SDK1: variants seen among roughly 807,000 people sequenced by gnomAD.
SDK1 encodes the protein sidekick cell adhesion molecule 1, also known as protein sidekick-1.
SDK1 carries 157 observed loss-of-function variants against 245.5 expected under a neutral mutation model. That is an observed-to-expected ratio of 0.64 (90% confidence interval 0.56 to 0.73). SDK1 has a LOEUF of 0.73. Ranked by LOEUF, SDK1 falls within the 30% of genes least tolerant of loss-of-function variation. SDK1 has a pLI of 0.00. For synonymous variants in SDK1, 1,647 were observed against 1,278.5 expected (o/e 1.29, Z -6.15); for missense variants, 3,583 against 3,002.3 (o/e 1.19, Z -4.52).
At chr7:4,159,141 A>G (rs1375390864) in intron 31 of SDK1, among the ~76,000 whole-genome samples, 1 of 152,172 alleles carries the variant, frequency 6.6e-6, no homozygotes, top group Non-Finnish European at 1.5e-5. Context: ...CAGGCTGGAA[A>G]CCCAGTACTT....
At chr7:3,393,590 C>T (rs1479907699) in intron 1 of SDK1, among the ~76,000 whole-genome samples, 1 of 152,164 alleles carries the variant, frequency 6.6e-6, no homozygotes, top group African/African-American at 2.4e-5. Flanking sequence ...CAGAATACTA[C>T]GTAGCAGTTA....
chr7:3,568,683 A>C (rs1780004712), intron 1 of SDK1, among the ~76,000 whole-genome samples: 1 of 152,200 alleles, frequency 6.6e-6, no homozygotes, highest in South Asian at 2.1e-4. Flanking sequence ...AGCCATTATA[A>C]TTTATGACTC....
intron 1 of SDK1, among the ~76,000 whole-genome samples, chr7:3,514,482 G>T (rs991120421): frequency 1.3e-5 from 2 of 152,206 alleles, no homozygotes; most frequent in Admixed American, 6.5e-5. Context: ...GAGGTAGATA[G>T]TCCAGGGTTG....
intron 4 of SDK1, among the ~76,000 whole-genome samples, chr7:3,783,286 T>C (rs546258964): frequency 6.6e-6 from 1 of 152,290 alleles, no homozygotes; most frequent in Non-Finnish European, 1.5e-5. Flanking sequence ...ATTGAAAGCC[T>C]TTCCTCTGAC....
Position 3,619,231 on chromosome 7 carries a change from C to CGAA in SDK1, c.451_453dup (p.Glu151dup). ...ACAGTGAGCTCACCACCTACAGCAG[C>CGAA]GAATATAAGTAATTGATCGCTTGAA... On this transcript the variant is annotated inframe_insertion, in exon 2 of 45. Coordinates refer to ENST00000404826, the MANE Select transcript of SDK1 (RefSeq NM_152744.4). 1 of 1,605,076 alleles carries CGAA rather than the reference C, an allele frequency of 6.2e-7. No individual in the cohort carries two copies. Among genetic ancestry groups the CGAA allele is most frequent in the Non-Finnish European group, 8.5e-7 (1 of 1,172,980 alleles).
At chr7:3,694,757 C>T (rs138099442) in intron 4 of SDK1, among the ~76,000 whole-genome samples, 29 of 152,210 alleles carry the variant, frequency 1.9e-4, no homozygotes, top group Non-Finnish European at 3.8e-4. Flanking sequence ...CAGGAACCTA[C>T]GTTTTTACAA....
intron 5 of SDK1, among the ~76,000 whole-genome samples, chr7:3,827,176 G>A (rs193136938): frequency 5.8e-4 from 87 of 149,286 alleles, no homozygotes; most frequent in Admixed American, 1.2e-3. Context: ...ACATATGGGG[G>A]AAGCTCAATA....
intron 20 of SDK1, 132 bp from the exon 21 acceptor site, chr7:4,076,866 G>T: frequency 1.4e-6 from 1 of 704,744 alleles, no homozygotes; most frequent in Non-Finnish European, 2.4e-6. Flanking sequence ...GTAGCACAGT[G>T]GCTCTAAGCT....
rs543285469 is a variant in SDK1 at position 3,363,933 on chromosome 7, T to G, written c.298+62049T>G. On this transcript the variant is annotated intron_variant, in intron 1 of 44. Coordinates refer to ENST00000404826, the MANE Select transcript of SDK1 (RefSeq NM_152744.4). Reference sequence around the variant, plus strand: ...CGTTGTCACCAGAAATGTGTGAATGTGATCCAGTTTCACATCCTCATCATT... The same window carrying G: ...CGTTGTCACCAGAAATGTGTGAATGGGATCCAGTTTCACATCCTCATCATT... 2.6e-5 allele frequency among the ~76,000 whole-genome samples: 4 copies of G among 152,368 alleles called. No individual in the cohort carries two copies. The East Asian group carries it at 7.7e-4, about 29-fold the overall frequency.
At chr7:3,932,380 G>A (rs983328065) in intron 5 of SDK1, among the ~76,000 whole-genome samples, 5 of 152,176 alleles carry the variant, frequency 3.3e-5, no homozygotes, top group Non-Finnish European at 5.9e-5. Flanking sequence ...AAATATAGAT[G>A]AGATTGTGTT....
intron 2 of SDK1, among the ~76,000 whole-genome samples, chr7:3,633,269 T>C (rs934242777): frequency 1.3e-5 from 2 of 152,018 alleles, no homozygotes; most frequent in African/African-American, 4.8e-5. Flanking sequence ...AAGAGAAAAA[T>C]CTTACATCTA....
chr7:3,584,230 G>C (rs1780609600), intron 1 of SDK1, among the ~76,000 whole-genome samples: 1 of 152,026 alleles, frequency 6.6e-6, no homozygotes, highest in Non-Finnish European at 1.5e-5. Flanking sequence ...CTGTAGGAGG[G>C]GATATGTTGT....
At position 4,113,265 on chromosome 7, in the gene SDK1, T is replaced by A. The variant is rs529592028; in HGVS notation, c.3435-24T>A. ...CTTCTTACCTTTGCTTTGCCGTGAC[T>A]CTCATCAGTGGTTTTTCCTTTAGAT... is the stretch of plus-strand genomic sequence containing the variant. On this transcript the variant is annotated intron_variant, in intron 23 of 44. Transcript: ENST00000404826. The A allele has an allele frequency of 1.7e-4, 273 of 1,606,932 alleles. 1 individual carries two copies. The highest frequency in any genetic ancestry group is 2.3e-4 in the Non-Finnish European group (270 of 1,175,990).
chr7:3,849,807 C>G (rs903570140), intron 5 of SDK1, among the ~76,000 whole-genome samples: 9 of 152,162 alleles, frequency 5.9e-5, no homozygotes, highest in African/African-American at 2.2e-4. Context: ...ATCTGTGTAA[C>G]TTAGGTCTTT....
rs977116549 is a variant in SDK1 at position 4,265,601 on chromosome 7, T to C, written c.*217T>C. ...CTTCGCTGCAGGAAGCAGGTTTGTT[T>C]CTTTTTCTTTTCTTTTTAAGAGAAG... is the stretch of plus-strand genomic sequence containing the variant. On this transcript the variant is annotated 3_prime_UTR_variant, in exon 45 of 45. Coordinates refer to ENST00000404826, the MANE Select transcript of SDK1 (RefSeq NM_152744.4). 2 of 1,339,320 alleles carry C rather than the reference T, an allele frequency of 1.5e-6. No homozygotes were observed. Among genetic ancestry groups the C allele is most frequent in the African/African-American group, 1.5e-5 (1 of 64,746 alleles). 83.0% of individuals were successfully genotyped at this position (1,339,320 alleles called of 1,614,324 possible).
chr7:3,680,946 G>T (rs1000754779), intron 4 of SDK1, among the ~76,000 whole-genome samples: 7 of 152,100 alleles, frequency 4.6e-5, no homozygotes, highest in Non-Finnish European at 7.4e-5. Context: ...GGGTTCAAGC[G>T]ATTCTCCTGC....
intron 14 of SDK1, 81 bp from the exon 15 acceptor site, chr7:4,010,885 T>C (rs972629229): frequency 1.2e-5 from 17 of 1,433,792 alleles, no homozygotes; most frequent in Non-Finnish European, 1.6e-5. Flanking sequence ...AGATGTTCCC[T>C]GAGAAAGCCT....
At chr7:4,079,674 G>C in intron 22 of SDK1, 90 bp downstream of exon 22, 2 of 1,549,604 alleles carry the variant, frequency 1.3e-6, no homozygotes, top group Non-Finnish European at 1.8e-6. Context: ...TGATGGCTTG[G>C]GGTGTCGGGG....
At chr7:3,867,879 G>A (rs1780860449) in intron 5 of SDK1, among the ~76,000 whole-genome samples, 1 of 152,048 alleles carries the variant, frequency 6.6e-6, no homozygotes, top group Non-Finnish European at 1.5e-5. Context: ...GATCTCTGCT[G>A]CATGAACATG....
Sources: allele counts gnomAD v4.1 joint callset (sites outside exome capture counted in the v4.1 genomes callset), GRCh38; gene constraint gnomAD v4.1.1; transcripts MANE v1.5; gene names NCBI Gene and HGNC (gene_info 2026-07-23, HGNC 2026-07-21).